RFX3: variants seen among roughly 807,000 people sequenced by gnomAD.
The protein encoded by RFX3 is regulatory factor X3.
RFX3 carries 14 observed loss-of-function variants against 98.6 expected under a neutral mutation model. That is an observed-to-expected ratio of 0.14 (90% CI 0.09 to 0.22). The LOEUF is 0.22. RFX3 is among the 10% of genes least tolerant of loss of function. The probability of loss-of-function intolerance (pLI) is 1.00; values close to 1 mark genes in which losing one functional copy is unlikely to be tolerated. For synonymous variants in RFX3, 383 were observed against 328.4 expected, an observed-to-expected ratio of 1.17 and a Z score of -1.80; for missense variants, 639 against 926.9, an observed-to-expected ratio of 0.69 and a Z score of 4.03.
rs770577807 is a variant in RFX3 at position 3,224,330 on chromosome 9, C to T, written c.*712G>A. Reference sequence around the variant, plus strand: ...ATAATAGTTAAAATTCAATGTTTAACGGAAGCTTGCATTGTTAACATGGTT... The same window carrying T: ...ATAATAGTTAAAATTCAATGTTTAATGGAAGCTTGCATTGTTAACATGGTT... On this transcript the variant is annotated 3_prime_UTR_variant, in exon 17 of 17. Transcript: ENST00000617270. 3.3e-5 allele frequency: 5 copies of T among 152,104 alleles called. No individual in the cohort carries two copies. The highest frequency in any genetic ancestry group is 5.9e-5 in the Non-Finnish European group (4 of 68,036). 9.4% of individuals were successfully genotyped at this position (152,104 alleles called of 1,614,324 possible).
chr9:3,401,966 T>C (rs559649519), intron 1 of RFX3, among the ~76,000 whole-genome samples: 2 of 152,332 alleles, frequency 1.3e-5, no homozygotes, highest in South Asian at 2.1e-4. Context: ...GCAAAGCAAA[T>C]GTGTTTGGAA....
At chr9:3,426,586 T>C (rs1298122946) in intron 1 of RFX3, among the ~76,000 whole-genome samples, 1 of 152,118 alleles carries the variant, frequency 6.6e-6, no homozygotes, top group East Asian at 1.9e-4. Flanking sequence ...CCACTCCCCA[T>C]TGCCCACATT....
At chr9:3,419,197 A>G (rs968070595) in intron 1 of RFX3, among the ~76,000 whole-genome samples, 1 of 152,204 alleles carries the variant, frequency 6.6e-6, no homozygotes, top group Non-Finnish European at 1.5e-5. Flanking sequence ...TATTTTGCGC[A>G]ACTTCGATGC....
intron 9 of RFX3, among the ~76,000 whole-genome samples, chr9:3,274,805 C>T (rs1394829561): frequency 6.6e-6 from 1 of 151,990 alleles, no homozygotes; most frequent in Non-Finnish European, 1.5e-5. Context: ...AAGGCAACCA[C>T]TGTTAACATT....
intron 1 of RFX3, among the ~76,000 whole-genome samples, chr9:3,422,600 G>C (rs536623508): frequency 3.1e-4 from 47 of 152,280 alleles, no homozygotes; most frequent in African/African-American, 1.1e-3. Flanking sequence ...TCAACAACTT[G>C]AATCATTCAA....
intron 2 of RFX3, chr9:3,394,845 CTTTGT>C (rs1564038914): frequency 4.1e-6 from 4 of 985,206 alleles, no homozygotes; most frequent in Middle Eastern, 5.2e-4. Context: ...AACAGCATTA[CTTTGT>C]CAGTATCTTT....
chr9:3,406,742 G>T (rs536322692), intron 1 of RFX3, among the ~76,000 whole-genome samples: 1 of 152,042 alleles, frequency 6.6e-6, no homozygotes, highest in Non-Finnish European at 1.5e-5. Flanking sequence ...GTATATTACA[G>T]ACATTTTTAA....
chr9:3,480,008 C>T (rs1208364505), intron 1 of RFX3, among the ~76,000 whole-genome samples: 2 of 152,110 alleles, frequency 1.3e-5, no homozygotes, highest in East Asian at 1.9e-4. Flanking sequence ...CAAGGTAGGC[C>T]GAGAAAAGTA....
At chr9:3,315,060 A>G (rs994579800) in intron 4 of RFX3, among the ~76,000 whole-genome samples, 3 of 151,832 alleles carry the variant, frequency 2.0e-5, no homozygotes, top group African/African-American at 7.3e-5. Context: ...CCCCAAATCA[A>G]CAGAATATAC....
At chr9:3,247,716 A>C in intron 15 of RFX3, 1 of 1,518,584 alleles carries the variant, frequency 6.6e-7, no homozygotes, top group Non-Finnish European at 8.8e-7. Context: ...CAGGAGCACC[A>C]ATCTTTTTCC....
At chr9:3,266,097 A>G (rs139212235) in intron 12 of RFX3, 111 bp downstream of exon 12, 1 of 537,714 alleles carries the variant, frequency 1.9e-6, no homozygotes, top group Non-Finnish European at 3.2e-6. Flanking sequence ...AAGATGATGT[A>G]TGTTATAACC....
intron 1 of RFX3, among the ~76,000 whole-genome samples, chr9:3,505,222 T>TTATATATGAATATATATTCATA (rs1816837992): frequency 1.8e-5 from 1 of 55,576 alleles, no homozygotes; most frequent in Admixed American, 3.2e-4. Flanking sequence ...GAATATATAT[T>TTATATATGAATATATATTCATA]TATATATGAA....
chr9:3,357,001 A>T (rs1217365584), intron 2 of RFX3, among the ~76,000 whole-genome samples: 1 of 150,692 alleles, frequency 6.6e-6, no homozygotes, highest in Non-Finnish European at 1.5e-5. Flanking sequence ...ACACACACTC[A>T]GTAAGCTAAG....
At chr9:3,370,935 A>G (rs1270319242) in intron 2 of RFX3, among the ~76,000 whole-genome samples, 4 of 152,208 alleles carry the variant, frequency 2.6e-5, no homozygotes, top group Non-Finnish European at 5.9e-5. Context: ...ATGACAAAAT[A>G]TCTGTGGGAG....
chr9:3,370,816 A>G, intron 2 of RFX3, among the ~76,000 whole-genome samples: 1 of 152,178 alleles, frequency 6.6e-6, no homozygotes, highest in South Asian at 2.1e-4. Context: ...TACAATGTCC[A>G]GATAAGTAAT....
At chr9:3,310,618 A>G (rs1640794016) in intron 4 of RFX3, among the ~76,000 whole-genome samples, 1 of 152,178 alleles carries the variant, frequency 6.6e-6, no homozygotes, top group Non-Finnish European at 1.5e-5. Context: ...TTCTCACTTT[A>G]TCTTCACAAC....
chr9:3,476,335 T>C (rs1587805529), intron 1 of RFX3, among the ~76,000 whole-genome samples: 1 of 152,188 alleles, frequency 6.6e-6, no homozygotes, highest in Non-Finnish European at 1.5e-5. Flanking sequence ...CCACAGAATA[T>C]AATCATAAAC....
chr9:3,275,854 T>C (rs1030893486), intron 8 of RFX3, among the ~76,000 whole-genome samples: 3 of 152,122 alleles, frequency 2.0e-5, no homozygotes, highest in Admixed American at 6.6e-5. Context: ...AATACAATTA[T>C]ACTGCAAATA....
chr9:3,504,965 AAT>A (rs1564186097), intron 1 of RFX3, among the ~76,000 whole-genome samples: 2 of 78,058 alleles, frequency 2.6e-5, no homozygotes, highest in African/African-American at 1.1e-4. Context: ...TATTATATAT[AAT>A]ATATATTATA....
Sources: gnomAD v4.1 joint callset for allele counts (sites outside exome capture counted in the v4.1 genomes callset) on GRCh38, gnomAD v4.1.1 for gene constraint, MANE v1.5 for transcripts, NCBI Gene and HGNC (gene_info 2026-07-23, HGNC 2026-07-21) for gene names.